The following RYR3 variants were observed in gnomAD, a reference collection of about 807,000 sequenced individuals.
RYR3 encodes ryanodine receptor 3.
Under a neutral mutation model 584.3 loss-of-function variants are expected in RYR3, and 207 were observed. The observed-to-expected ratio is 0.35, with a 90% CI of 0.32 to 0.40. The LOEUF (loss-of-function observed/expected upper bound fraction) is 0.40, where lower values mean the gene tolerates loss of function less well. RYR3 is among the 10% of genes least tolerant of loss of function. RYR3 has a pLI of 1.00. For synonymous variants in RYR3, 2,416 were observed against 2,248.5 expected (o/e 1.07, Z -2.11); for missense variants, 5,616 against 6,089.2 (o/e 0.92, Z 2.59).
chr15:33,796,928 A>T (rs144912552), intron 67 of RYR3, among the ~76,000 whole-genome samples: 1 of 152,356 alleles, frequency 6.6e-6, no homozygotes, highest in East Asian at 1.9e-4. Flanking sequence ...CTCTTTAGTG[A>T]TTAAAAGGAC....
At chr15:33,825,396 CAA>C (rs1238698368) in intron 81 of RYR3, among the ~76,000 whole-genome samples, 1 of 152,184 alleles carries the variant, frequency 6.6e-6, no homozygotes, top group East Asian at 1.9e-4. Flanking sequence ...CTGTATGTAA[CAA>C]AGTCTGTGAG....
rs1250226623 is a variant in RYR3 at position 33,666,266 on chromosome 15, A to G, written c.5619+2529A>G. Among the ~76,000 whole-genome samples the G allele has an allele frequency of 2.6e-5, 4 of 152,144 alleles. No individual in the cohort carries two copies. The South Asian group carries it at 6.2e-4, about 24-fold the overall frequency. ...AGCTCCACCTGCCTCAGCTTCCCCA[A>G]GTGCTGGGATTACAGGTGTGAGCCA... On this transcript the variant is annotated intron_variant, in intron 36 of 103. Coordinates refer to ENST00000634891, the MANE Select transcript of RYR3 (RefSeq NM_001036.6).
intron 1 of RYR3, among the ~76,000 whole-genome samples, chr15:33,406,065 T>G (rs2042997871): frequency 2.0e-5 from 3 of 152,224 alleles, no homozygotes; most frequent in Non-Finnish European, 4.4e-5. Flanking sequence ...GAGGACATGT[T>G]ATTCTGGAGA....
At chr15:33,775,350 G>T (rs2073926332) in intron 64 of RYR3, among the ~76,000 whole-genome samples, 2 of 151,980 alleles carry the variant, frequency 1.3e-5, no homozygotes, top group Admixed American at 1.3e-4. Flanking sequence ...GGATGTGTGT[G>T]CTTGTGTGTT....
chr15:33,645,748 A>G (rs1231324630), intron 28 of RYR3, among the ~76,000 whole-genome samples: 2 of 151,978 alleles, frequency 1.3e-5, no homozygotes, highest in Admixed American at 6.6e-5. Context: ...GCAAAAATCA[A>G]TTTCTGACCT....
chr15:33,857,085 C>G (rs1224363636), intron 98 of RYR3, among the ~76,000 whole-genome samples: 2 of 152,176 alleles, frequency 1.3e-5, no homozygotes, highest in Non-Finnish European at 2.9e-5. Context: ...CTATTCAATA[C>G]TTAAGTTCCT....
rs539748676 is a variant in RYR3, at chr15:33,563,095, G to A, written c.1146+85G>A. ...TAGAAGTGATTCTGAGAACCAGGTG[G>A]ACATGATTGTGATTTACTTCTTACT... On this transcript the variant is annotated intron_variant, in intron 11 of 103. Coordinates refer to ENST00000634891, the MANE Select transcript of RYR3 (RefSeq NM_001036.6). The A allele has an allele frequency of 1.4e-5, 15 of 1,082,128 alleles. No individual in the cohort carries two copies. The South Asian group carries it at 2.1e-4, about 15-fold the overall frequency. The allele number at this position is 1,082,128 out of a possible 1,614,324, so 67.0% of individuals were successfully genotyped here. A position where few individuals can be genotyped will look rare whatever the true frequency, so the allele number is the denominator to read the frequency against.
chr15:33,796,325 G>A (rs2075620320), intron 67 of RYR3, among the ~76,000 whole-genome samples: 1 of 152,072 alleles, frequency 6.6e-6, no homozygotes, highest in Non-Finnish European at 1.5e-5. Flanking sequence ...GTAGAGACGG[G>A]GTTTCACCAT....
At chr15:33,415,287 C>T (rs547623224) in intron 1 of RYR3, among the ~76,000 whole-genome samples, 7 of 152,188 alleles carry the variant, frequency 4.6e-5, no homozygotes, top group African/African-American at 1.4e-4. Context: ...AAATTACATA[C>T]GTGTCTAGCA....
chr15:33,320,105 G>A (rs1054727682), intron 1 of RYR3, among the ~76,000 whole-genome samples: 1 of 152,166 alleles, frequency 6.6e-6, no homozygotes, highest in Non-Finnish European at 1.5e-5. Flanking sequence ...TTGTGCAGCT[G>A]CAAATAAGCA....
chr15:33,595,566 T>G (rs660403), intron 16 of RYR3, among the ~76,000 whole-genome samples: 67,701 of 151,860 alleles, frequency 0.45, 15,605 homozygotes, highest in East Asian at 0.79. Context: ...CCCACCTGTT[T>G]GGAGACAGTC....
intron 1 of RYR3, among the ~76,000 whole-genome samples, chr15:33,342,594 T>C (rs1971958332): frequency 7.1e-6 from 1 of 140,730 alleles, no homozygotes; most frequent in Non-Finnish European, 1.6e-5. Context: ...TATATAATAT[T>C]ATCCAATAAT....
At chr15:33,756,849 A>G (rs1177641474) in intron 59 of RYR3, among the ~76,000 whole-genome samples, 1 of 152,146 alleles carries the variant, frequency 6.6e-6, no homozygotes, top group South Asian at 2.1e-4. Context: ...GTACGATATG[A>G]TACCTTGAAT....
chr15:33,549,676 T>G (rs982707108), intron 9 of RYR3, among the ~76,000 whole-genome samples: 1 of 152,234 alleles, frequency 6.6e-6, no homozygotes, highest in African/African-American at 2.4e-5. Flanking sequence ...GTTGACTTAT[T>G]ATGCTTGTTT....
intron 3 of RYR3, among the ~76,000 whole-genome samples, chr15:33,504,482 G>A (rs1432524216): frequency 6.6e-6 from 1 of 152,068 alleles, no homozygotes; most frequent in Non-Finnish European, 1.5e-5. Flanking sequence ...TACTCCATTA[G>A]ATGACTGTCC....
At chr15:33,690,929 G>A (rs566519407) in intron 38 of RYR3, among the ~76,000 whole-genome samples, 6 of 152,238 alleles carry the variant, frequency 3.9e-5, no homozygotes, top group Non-Finnish European at 7.4e-5. Flanking sequence ...AAAACAAAGT[G>A]ATATTTCTTT....
At position 33,742,435 on chromosome 15, in the gene RYR3, C is replaced by A; in HGVS notation, c.7890C>A (p.Ala2630=). The change falls in exon 52 of 104, where the codon GCC becomes GCA. Residue 2630 remains alanine, a synonymous_variant. Coordinates refer to ENST00000634891, the MANE Select transcript of RYR3 (RefSeq NM_001036.6). ...CTGAGCATTCACATGATAAATGGGC[C>A]TGTGACAAGGTAGGGATTATCATCC... ...KYAEHSHDKW[A]CDKSQSGWKY... The A allele has an allele frequency of 6.2e-7, 1 of 1,604,790 alleles. No homozygotes were observed. The highest frequency in any genetic ancestry group is 8.5e-7 in the Non-Finnish European group (1 of 1,171,556).
chr15:33,660,599 C>A (rs2063104929), intron 34 of RYR3, among the ~76,000 whole-genome samples, 176 bp downstream of exon 34: 2 of 152,192 alleles, frequency 1.3e-5, no homozygotes, highest in Admixed American at 1.3e-4. Context: ...TCAGAAACAG[C>A]AGGAAACACA....
At chr15:33,828,656 A>G (rs756347962) in intron 85 of RYR3, among the ~76,000 whole-genome samples, 45 of 152,222 alleles carry the variant, frequency 3.0e-4, no homozygotes, top group South Asian at 6.2e-4. Flanking sequence ...CTTCAATTCT[A>G]TGAAGGCTGA....
Sources: allele counts gnomAD v4.1 joint callset (sites outside exome capture counted in the v4.1 genomes callset), GRCh38; gene constraint gnomAD v4.1.1; transcripts MANE v1.5; gene names NCBI Gene and HGNC (gene_info 2026-07-23, HGNC 2026-07-21).